ASTN1: variants seen among roughly 807,000 people sequenced by gnomAD.
The protein encoded by ASTN1 is astrotactin 1.
A neutral mutation model predicts 140.7 loss-of-function variants in ASTN1; 41 were observed. The ratio of observed to expected loss-of-function variants is 0.29; its 90% CI spans 0.23 to 0.38. The LOEUF (loss-of-function observed/expected upper bound fraction) is 0.38. Ranked by LOEUF, ASTN1 falls within the 10% of genes least tolerant of loss-of-function variation. ASTN1 has a pLI of 1.00. For synonymous variants in ASTN1, 640 were observed against 652.2 expected (o/e 0.98, Z 0.29); for missense variants, 1,479 against 1,678.8 (o/e 0.88, Z 2.08).
chr1:176,942,093 A>G (rs1671740404), intron 14 of ASTN1, among the ~76,000 whole-genome samples: 1 of 152,144 alleles, frequency 6.6e-6, no homozygotes, highest in South Asian at 2.1e-4. Context: ...TCTTTTCTAT[A>G]AGGTAGATAT....
chr1:177,157,435 C>A lies in ASTN1; in HGVS notation c.283+6959G>T, dbSNP rs367711393. On this transcript the variant is annotated intron_variant, in intron 1 of 22. Coordinates refer to ENST00000361833, the MANE Select transcript of ASTN1 (RefSeq NM_004319.3). ...GCTCAAGCCATCTTCCCACCTCAGC[C>A]TCCCAAGTAACTGGGACTACAGGCA... is the stretch of plus-strand genomic sequence containing the variant. 1.4e-4 allele frequency among the ~76,000 whole-genome samples: 22 copies of A among 152,144 alleles called. No individual in the cohort carries two copies. The East Asian group carries it at 2.1e-3, about 15-fold the overall frequency.
chr1:176,971,521 CCT>C (rs1227015274), intron 8 of ASTN1, among the ~76,000 whole-genome samples: 1 of 152,168 alleles, frequency 6.6e-6, no homozygotes, highest in Non-Finnish European at 1.5e-5. Context: ...CGACATATCC[CCT>C]GTCCCTCAAC....
intron 1 of ASTN1, among the ~76,000 whole-genome samples, chr1:177,066,683 C>A (rs1410808371): frequency 6.6e-6 from 1 of 152,202 alleles, no homozygotes; most frequent in Non-Finnish European, 1.5e-5. Flanking sequence ...AATACAACCT[C>A]ATTGAGGACC....
At chr1:176,925,488 T>C (rs61813271) in intron 16 of ASTN1, among the ~76,000 whole-genome samples, 1 of 152,136 alleles carries the variant, frequency 6.6e-6, no homozygotes, top group Non-Finnish European at 1.5e-5. Context: ...CATATGCGTA[T>C]TACATTTTAA....
At chr1:176,866,084 C>G (rs939191041) in intron 22 of ASTN1, among the ~76,000 whole-genome samples, 1 of 152,132 alleles carries the variant, frequency 6.6e-6, no homozygotes, top group African/African-American at 2.4e-5. Context: ...ATTTTATTCA[C>G]CTTATTCAGA....
At chr1:176,891,637 T>C (rs867684677) in intron 17 of ASTN1, among the ~76,000 whole-genome samples, 1 of 151,660 alleles carries the variant, frequency 6.6e-6, no homozygotes, top group Non-Finnish European at 1.5e-5. Flanking sequence ...CTACCAAAAA[T>C]ACAAAATTAG....
At chr1:177,027,408 G>A (rs373967654) in intron 5 of ASTN1, among the ~76,000 whole-genome samples, 3 of 151,638 alleles carry the variant, frequency 2.0e-5, no homozygotes, top group East Asian at 1.9e-4. Context: ...CTGCATCATC[G>A]ACCCATAATC....
chr1:177,000,009 T>C (rs1674649410), intron 8 of ASTN1, among the ~76,000 whole-genome samples: 2 of 152,174 alleles, frequency 1.3e-5, no homozygotes, highest in African/African-American at 4.8e-5. Flanking sequence ...TGTATGTTAA[T>C]TAAATTGGCA....
chr1:176,868,855 C>T lies in ASTN1; in HGVS notation c.3636G>A (p.Glu1212=). ...AGTTTATTGATTACCTGGGACCTAA[C>T]TCATCCTCACATCGCCAGGTGAATT... ...FGEFTWRCED[E]LGPRKAGLIL... Residue 1212 remains glutamate, a synonymous_variant, in exon 22 of 23, where the codon GAG becomes GAA. Transcript: ENST00000361833. The T allele has an allele frequency of 6.2e-7, 1 of 1,604,346 alleles. No homozygotes were observed. The highest frequency in any genetic ancestry group is 2.2e-5 in the East Asian group (1 of 44,658).
chr1:177,109,424 A>G (rs1335474765), intron 1 of ASTN1, among the ~76,000 whole-genome samples: 1 of 151,654 alleles, frequency 6.6e-6, no homozygotes, highest in Non-Finnish European at 1.5e-5. Context: ...TCACACTTAC[A>G]CACACACACA....
chr1:177,126,703 C>T (rs1381169823), intron 1 of ASTN1, among the ~76,000 whole-genome samples: 7 of 152,182 alleles, frequency 4.6e-5, no homozygotes, highest in Non-Finnish European at 1.0e-4. Flanking sequence ...GAAGCAAAGG[C>T]CATTATGATA....
At chr1:177,125,806 C>T (rs770216575) in intron 1 of ASTN1, among the ~76,000 whole-genome samples, 1 of 152,230 alleles carries the variant, frequency 6.6e-6, no homozygotes, top group Non-Finnish European at 1.5e-5. Flanking sequence ...ATGAACTTAC[C>T]TCGATTATTC....
chr1:176,907,993 C>A (rs55849515), intron 16 of ASTN1, among the ~76,000 whole-genome samples: 2,129 of 152,262 alleles, frequency 0.014, 47 homozygotes, highest in African/African-American at 0.048. Context: ...CAGGCCCCTA[C>A]TGAGGAAGGT....
At chr1:176,882,757 T>C (rs1668858634) in intron 20 of ASTN1, 102 bp downstream of exon 20, 2 of 1,475,484 alleles carry the variant, frequency 1.4e-6, no homozygotes, top group South Asian at 2.5e-5. Context: ...ACTCAACATG[T>C]TTTGCTGAGT....
intron 2 of ASTN1, among the ~76,000 whole-genome samples, chr1:177,047,191 A>C (rs1212532700): frequency 6.6e-6 from 1 of 152,222 alleles, no homozygotes; most frequent in East Asian, 1.9e-4. Context: ...CCCAGAGAGA[A>C]AAGGGGGTCA....
chr1:176,941,198 G>T (rs1158160473), intron 14 of ASTN1, among the ~76,000 whole-genome samples: 1 of 152,102 alleles, frequency 6.6e-6, no homozygotes, highest in African/African-American at 2.4e-5. Flanking sequence ...AATGTTCCCA[G>T]AACTAGAGAT....
At chr1:176,879,238 C>T (rs1172960271) in intron 20 of ASTN1, among the ~76,000 whole-genome samples, 1 of 152,190 alleles carries the variant, frequency 6.6e-6, no homozygotes, top group Non-Finnish European at 1.5e-5. Flanking sequence ...GTTTCCATTG[C>T]TGAGGTCCTG....
intron 1 of ASTN1, among the ~76,000 whole-genome samples, chr1:177,160,698 A>T (rs1007445233): frequency 6.6e-6 from 1 of 152,358 alleles, no homozygotes; most frequent in East Asian, 1.9e-4. Flanking sequence ...TGAAATATGA[A>T]ATTTTAGTTC....
chr1:177,155,383 A>G (rs916535187), intron 1 of ASTN1, among the ~76,000 whole-genome samples: 3 of 151,796 alleles, frequency 2.0e-5, no homozygotes, highest in Non-Finnish European at 4.4e-5. Context: ...CATTTAGGAG[A>G]TTGAGTGATC....
Sources: allele counts gnomAD v4.1 joint callset (sites outside exome capture counted in the v4.1 genomes callset), GRCh38; gene constraint gnomAD v4.1.1; transcripts MANE v1.5; gene names NCBI Gene and HGNC (gene_info 2026-07-23, HGNC 2026-07-21).